CACNA1B: variants seen among roughly 807,000 people sequenced by gnomAD.
CACNA1B encodes voltage-dependent N-type calcium channel subunit alpha-1B.
Under a neutral mutation model 247.2 loss-of-function variants are expected in CACNA1B, and 70 were observed. The observed-to-expected ratio is 0.28, with a 90% CI of 0.23 to 0.35. The LOEUF is 0.35. CACNA1B is among the 10% of genes least tolerant of loss of function. CACNA1B has a pLI of 1.00. For synonymous variants in CACNA1B, 1,231 were observed against 1,294.4 expected (o/e 0.95, Z 1.05); for missense variants, 2,367 against 3,197.4 (o/e 0.74, Z 6.26).
At chr9:138,066,594 A>G (rs1313043199) in intron 31 of CACNA1B, among the ~76,000 whole-genome samples, 1 of 152,210 alleles carries the variant, frequency 6.6e-6, no homozygotes, top group African/African-American at 2.4e-5. Context: ...TGTGGCTGAG[A>G]CACTAACAGT....
Position 137,950,124 on chromosome 9 carries a change from G to T in CACNA1B, c.967-2150G>T, listed in dbSNP as rs1957862415. On this transcript the variant is annotated intron_variant, in intron 6 of 46. Transcript: ENST00000371372. The surrounding 1 kb of genome is among the most constrained non-coding windows in gnomAD (Gnocchi z 4.8). ...TGCAGAAGTCTAGGTTCCCCACTTG[G>T]CATCTGTTGACTTATGGTAGCGTGT... 6.6e-6 allele frequency among the ~76,000 whole-genome samples: 1 copy of T among 152,184 alleles called. No individual in the cohort carries two copies. Among genetic ancestry groups the T allele is most frequent in the Non-Finnish European group, 1.5e-5 (1 of 68,028 alleles).
rs567594860 is a variant in CACNA1B, at chr9:138,120,725, C to T, written c.6333C>T (p.Ser2111=). 5 of 1,536,648 alleles carry T rather than the reference C, an allele frequency of 3.3e-6. 1 individual carries two copies. The highest frequency in any genetic ancestry group is 2.2e-5 in the Admixed American group (1 of 45,022). ...AGCGCCGGCAGGAGCGGGGCCGGTC[C>T]CAGGAGCGGAGGCAGCCCTCATCCT... ...ERERRQERGR[S]QERRQPSSSS... The change falls in exon 46 of 47, where the codon TCC becomes TCT. Residue 2111 remains serine (S), a synonymous_variant. Coordinates refer to ENST00000371372, the MANE Select transcript of CACNA1B (RefSeq NM_000718.4).
chr9:137,965,409 G>A (rs868287795), intron 10 of CACNA1B, among the ~76,000 whole-genome samples: 10 of 152,180 alleles, frequency 6.6e-5, no homozygotes, highest in Admixed American at 3.3e-4. Context: ...GGCCGGGCGC[G>A]GTGGCGCATG....
chr9:137,918,346 C>G (rs1432442179), intron 6 of CACNA1B, among the ~76,000 whole-genome samples: 2 of 152,056 alleles, frequency 1.3e-5, no homozygotes, highest in Non-Finnish European at 2.9e-5. Context: ...TGCTGTCTGT[C>G]CCCTCTGTGA....
At chr9:137,932,953 G>A (rs1957624745) in intron 6 of CACNA1B, among the ~76,000 whole-genome samples, 1 of 151,738 alleles carries the variant, frequency 6.6e-6, no homozygotes, top group Non-Finnish European at 1.5e-5. Flanking sequence ...TATTTTTTGA[G>A]ATGGAGTCTC....
intron 3 of CACNA1B, chr9:137,892,309 C>A (rs1957113335): frequency 2.2e-6 from 1 of 456,654 alleles, no homozygotes; most frequent in African/African-American, 2.0e-5. Flanking sequence ...GCCTCTCCTC[C>A]TGGCTGGCAG....
At chr9:138,053,790 C>A (rs1959390375) in intron 25 of CACNA1B, 56 bp from the exon 26 acceptor site, 4 of 1,417,878 alleles carry the variant, frequency 2.8e-6, no homozygotes, top group African/African-American at 1.4e-5. Flanking sequence ...CCTCATGGCC[C>A]CACTCTCCCA....
In CACNA1B at chr9:138,102,516, A is replaced by G. The variant is rs1961286151; in HGVS notation, c.5223-195A>G. ...GGGGGTGGGGGGCCAGGAGGGGGTC[A>G]AGCCAAGCAGAGAAATCCCTCATTT... On this transcript the variant is annotated intron_variant, in intron 37 of 46. Transcript: ENST00000371372. This position sits in a 1 kb window ranked among gnomAD's most constrained non-coding sequence, Gnocchi z 5.4. Among the ~76,000 whole-genome samples, 1 of 152,074 alleles carries G rather than the reference A, an allele frequency of 6.6e-6. No homozygotes were observed. The highest frequency in any genetic ancestry group is 6.5e-5 in the Admixed American group (1 of 15,272).
rs529540523 is a variant in CACNA1B, at chr9:138,067,969, C to T, written c.4669-1789C>T. Among the ~76,000 whole-genome samples the T allele has an allele frequency of 9.2e-5, 14 of 152,312 alleles. No individual in the cohort carries two copies. The South Asian group carries it at 2.7e-3, about 29-fold the overall frequency. ...TGCCAGTTGTTAGGGTCTCTGCTAA[C>T]GTAGTGAAAATACGCAAATGATGTG... On this transcript the variant is annotated intron_variant, in intron 31 of 46. Transcript: ENST00000371372.
intron 6 of CACNA1B, among the ~76,000 whole-genome samples, chr9:137,942,908 A>C (rs1449578064): frequency 6.6e-6 from 1 of 152,206 alleles, no homozygotes; most frequent in African/African-American, 2.4e-5. Context: ...ATAAATCACC[A>C]CTAAAGAACT....
At chr9:137,953,605 G>C (rs1957904709) in intron 7 of CACNA1B, among the ~76,000 whole-genome samples, 1 of 152,230 alleles carries the variant, frequency 6.6e-6, no homozygotes, top group South Asian at 2.1e-4. Flanking sequence ...TGGCGGGGTA[G>C]CTGGCGGAGG....
chr9:138,007,743 G>C lies in CACNA1B; in HGVS notation c.2092+859G>C, dbSNP rs1168550100. On this transcript the variant is annotated intron_variant, in intron 16 of 46. Coordinates refer to ENST00000371372, the MANE Select transcript of CACNA1B (RefSeq NM_000718.4). The surrounding 1 kb of genome is among the most constrained non-coding windows in gnomAD (Gnocchi z 4.1). ...TGGGGACCCCACTTTGAGAACTGCT[G>C]TGACAGAACACCCCACAGGGCCCCG... 6.6e-6 allele frequency among the ~76,000 whole-genome samples: 1 copy of C among 152,184 alleles called. No homozygotes were observed. The highest frequency in any genetic ancestry group is 1.5e-5 in the Non-Finnish European group (1 of 68,028).
At chr9:137,890,687 C>G (rs1237786137) in intron 3 of CACNA1B, 1 of 149,946 alleles carries the variant, frequency 6.7e-6, no homozygotes, top group East Asian at 1.9e-4. Context: ...CACAGAGTCC[C>G]CCTTACACGC....
rs369433916 is a variant in CACNA1B, at chr9:137,887,128, G to A, written c.530+4245G>A. 5.6e-3 allele frequency among the ~76,000 whole-genome samples: 858 copies of A among 152,112 alleles called. 14 individuals carry two copies. The highest frequency in any genetic ancestry group is 0.02 in the African/African-American group (809 of 41,478). ...GCGGAGCAGCGGAGGTGTGCCTGGC[G>A]TAGACGGTGTTCTAGGAAGGAAGAG... On this transcript the variant is annotated intron_variant, in intron 3 of 46. Coordinates refer to ENST00000371372, the MANE Select transcript of CACNA1B (RefSeq NM_000718.4).
At chr9:138,109,582 A>G (rs1044342213) in intron 39 of CACNA1B, among the ~76,000 whole-genome samples, 2 of 152,180 alleles carry the variant, frequency 1.3e-5, no homozygotes, top group Non-Finnish European at 2.9e-5. Flanking sequence ...AGGGCCCCAC[A>G]GGAACTCCTT....
rs571986586 is a variant in CACNA1B at position 137,899,945 on chromosome 9, G to C, written c.531-13235G>C. On this transcript the variant is annotated intron_variant, in intron 3 of 46. Coordinates refer to ENST00000371372, the MANE Select transcript of CACNA1B (RefSeq NM_000718.4). The surrounding 1 kb of genome is among the most constrained non-coding windows in gnomAD (Gnocchi z 5.0). ...GGGTAGGGCTCTGTGCCACAGGGAC[G>C]GGGTACAGGGGCTGGCCAGCGTGGG... Among the ~76,000 whole-genome samples, 146 of 152,318 alleles carry C rather than the reference G, an allele frequency of 9.6e-4. No homozygotes were observed. Among genetic ancestry groups the C allele is most frequent in the African/African-American group, 3.5e-3 (145 of 41,580 alleles).
At chr9:138,046,151 T>C (rs1959183994) in intron 21 of CACNA1B, among the ~76,000 whole-genome samples, 1 of 152,142 alleles carries the variant, frequency 6.6e-6, no homozygotes, top group Admixed American at 6.5e-5. Context: ...TGCTTCCTGG[T>C]GTTTTGACTG....
chr9:138,080,741 A>G (rs1960497867), intron 36 of CACNA1B, among the ~76,000 whole-genome samples: 3 of 152,204 alleles, frequency 2.0e-5, no homozygotes, highest in African/African-American at 7.2e-5. Context: ...GGGGACATCC[A>G]TCCTCTTAGA....
intron 39 of CACNA1B, among the ~76,000 whole-genome samples, chr9:138,107,952 T>G (rs1480368134): frequency 1.4e-5 from 2 of 148,122 alleles, no homozygotes; most frequent in African/African-American, 5.0e-5. Flanking sequence ...GCCACTGCAC[T>G]CCAGTCTGGG....
Sources: allele counts gnomAD v4.1 joint callset (sites outside exome capture counted in the v4.1 genomes callset), GRCh38; gene constraint gnomAD v4.1.1; non-coding constraint Gnocchi (gnomAD v3.1); transcripts MANE v1.5; gene names NCBI Gene and HGNC (gene_info 2026-07-23, HGNC 2026-07-21).